The following TNFRSF21 variants were observed in gnomAD, a reference collection of about 807,000 sequenced individuals.
The protein encoded by TNFRSF21 is TNF receptor superfamily member 21, also known as tumor necrosis factor receptor superfamily member 21.
In TNFRSF21, 19 loss-of-function variants were observed where a neutral mutation model predicts 45.6. The observed-to-expected ratio is 0.42, with a 90% CI of 0.29 to 0.61. The LOEUF (loss-of-function observed/expected upper bound fraction) is 0.61, where lower values mean the gene tolerates loss of function less well. Among genes scored for constraint, TNFRSF21 ranks in the 20% least tolerant of loss-of-function variants. TNFRSF21 has a pLI of 0.23. For synonymous variants in TNFRSF21, 314 were observed against 335.5 expected, an observed-to-expected ratio of 0.94 and a Z score of 0.70; for missense variants, 737 against 851.5, an observed-to-expected ratio of 0.87 and a Z score of 1.67.
At chr6:47,295,986 C>T (rs1481642807) in intron 1 of TNFRSF21, among the ~76,000 whole-genome samples, 2 of 152,178 alleles carry the variant, frequency 1.3e-5, no homozygotes, top group African/African-American at 4.8e-5. Context: ...TCCCTGGAAC[C>T]TGCAATGCAG....
rs750027937 is a variant in TNFRSF21, at chr6:47,284,269, G to C, written c.912C>G (p.Pro304=). The C allele has an allele frequency of 6.2e-7, 1 of 1,612,422 alleles. No individual in the cohort carries two copies. The highest frequency in any genetic ancestry group is 1.3e-5 in the African/African-American group (1 of 74,870). The change falls in exon 3 of 6, where the codon CCC becomes CCG. Residue 304 remains proline, a synonymous_variant. Coordinates refer to ENST00000296861, the MANE Select transcript of TNFRSF21 (RefSeq NM_014452.5). ...GCAGCTTCAGGATGTGTCTGTGGTG[G>C]GGGCCTTGCTGGTGGTTGACTACCT... ...NLQVVNHQQG[P]HHRHILKLLP...
intron 1 of TNFRSF21, among the ~76,000 whole-genome samples, chr6:47,290,341 C>T (rs1161388716): frequency 9.9e-5 from 15 of 152,178 alleles, no homozygotes; most frequent in Admixed American, 9.8e-4. Flanking sequence ...CACACACACA[C>T]TCACAAGGGT....
intron 4 of TNFRSF21, among the ~76,000 whole-genome samples, chr6:47,250,393 A>G (rs149104363): frequency 2.2e-3 from 336 of 152,354 alleles, no homozygotes; most frequent in African/African-American, 4.4e-3. Flanking sequence ...ATTGAACTTG[A>G]AAGAAGAGAG....
At chr6:47,283,840 AT>A in intron 3 of TNFRSF21, 97 bp downstream of exon 3, 1 of 1,482,752 alleles carries the variant, frequency 6.7e-7, no homozygotes, top group Non-Finnish European at 9.1e-7. Flanking sequence ...TACAAAGGAG[AT>A]TCCACAAACT....
chr6:47,286,617 G>A (rs762137133), intron 1 of TNFRSF21, 22 bp from the exon 2 acceptor site: 2 of 1,574,272 alleles, frequency 1.3e-6, no homozygotes, highest in African/African-American at 1.4e-5. Context: ...AGAAGGGGAG[G>A]GAAAGGAACA....
chr6:47,275,603 T>C (rs1762486220), intron 3 of TNFRSF21, among the ~76,000 whole-genome samples: 1 of 152,110 alleles, frequency 6.6e-6, no homozygotes, highest in African/African-American at 2.4e-5. Context: ...TGTATACCTA[T>C]GTATCAAATC....
At chr6:47,273,985 A>G (rs1216743121) in intron 3 of TNFRSF21, among the ~76,000 whole-genome samples, 1 of 152,230 alleles carries the variant, frequency 6.6e-6, no homozygotes, top group Non-Finnish European at 1.5e-5. Context: ...ACGAAATAAG[A>G]GGACACAAAT....
At chr6:47,302,848 A>G (rs974415390) in intron 1 of TNFRSF21, among the ~76,000 whole-genome samples, 2 of 152,192 alleles carry the variant, frequency 1.3e-5, no homozygotes, top group Non-Finnish European at 1.5e-5. Flanking sequence ...CCCTCTCTCC[A>G]GCAGTTGCCA....
Position 47,251,371 on chromosome 6 carries a change from T to C in TNFRSF21, c.1509+1885A>G, listed in dbSNP as rs375811392. On this transcript the variant is annotated intron_variant, in intron 4 of 5. Coordinates refer to ENST00000296861, the MANE Select transcript of TNFRSF21 (RefSeq NM_014452.5). ...TTCTCAAAAAATAAACAACAAAAAATAGCTACTATTAGAATCTTTTGGTAT... is the reference window on the plus strand; with the variant it reads ...TTCTCAAAAAATAAACAACAAAAAACAGCTACTATTAGAATCTTTTGGTAT... Among the ~76,000 whole-genome samples, 79 of 152,094 alleles carry C rather than the reference T, an allele frequency of 5.2e-4. 1 individual carries two copies. The South Asian group carries it at 0.016, about 32-fold the overall frequency.
At chr6:47,305,289 G>C (rs1381255016) in intron 1 of TNFRSF21, among the ~76,000 whole-genome samples, 1 of 152,142 alleles carries the variant, frequency 6.6e-6, no homozygotes, top group Non-Finnish European at 1.5e-5. Context: ...CACTTAGAAA[G>C]GGTGCTCGAT....
intron 1 of TNFRSF21, among the ~76,000 whole-genome samples, chr6:47,298,522 C>T (rs78448947): frequency 0.028 from 4,298 of 152,144 alleles, 206 homozygotes; most frequent in African/African-American, 0.099. Flanking sequence ...GTATTGCTCA[C>T]AAGCTAAGAA....
intron 3 of TNFRSF21, among the ~76,000 whole-genome samples, chr6:47,273,585 C>T (rs1330428788): frequency 1.3e-5 from 2 of 152,152 alleles, no homozygotes; most frequent in African/African-American, 4.8e-5. Context: ...GGAAACTTTC[C>T]CTTTGAAAAA....
intron 4 of TNFRSF21, among the ~76,000 whole-genome samples, chr6:47,241,034 T>A (rs1320652822): frequency 6.6e-6 from 1 of 152,182 alleles, no homozygotes; most frequent in African/African-American, 2.4e-5. Context: ...TCAAATTAGA[T>A]TTCAAGACCT....
At chr6:47,262,873 C>A (rs569432234) in intron 3 of TNFRSF21, among the ~76,000 whole-genome samples, 2 of 152,224 alleles carry the variant, frequency 1.3e-5, no homozygotes, top group Non-Finnish European at 2.9e-5. Flanking sequence ...TAAGCTGCTA[C>A]TATGCATTCA....
intron 3 of TNFRSF21, among the ~76,000 whole-genome samples, chr6:47,256,785 A>C (rs1442817231): frequency 6.6e-6 from 1 of 152,198 alleles, no homozygotes; most frequent in Non-Finnish European, 1.5e-5. Flanking sequence ...ACTCTTCCAA[A>C]CACCAAAAGT....
chr6:47,296,820 T>C (rs1762796467), intron 1 of TNFRSF21, among the ~76,000 whole-genome samples: 1 of 152,198 alleles, frequency 6.6e-6, no homozygotes, highest in Admixed American at 6.5e-5. Flanking sequence ...TATCCTTTAT[T>C]ATATCTTTTA....
At chr6:47,245,457 TTTG>T (rs1764811111) in intron 4 of TNFRSF21, among the ~76,000 whole-genome samples, 1 of 124,372 alleles carries the variant, frequency 8.0e-6, no homozygotes, top group African/African-American at 4.0e-5. Flanking sequence ...TGTGTGTGTG[TTTG>T]TGTGTGTGTG....
In TNFRSF21 at chr6:47,284,154, G is replaced by A; in HGVS notation, c.1027C>T (p.His343Tyr). 1 of 1,614,212 alleles carries A rather than the reference G, an allele frequency of 6.2e-7. No homozygotes were observed. The highest frequency in any genetic ancestry group is 8.5e-7 in the Non-Finnish European group (1 of 1,180,024). ...RGHPRQNLHKHFDINEHLPWM... is the reference protein window; with the variant it reads ...RGHPRQNLHKYFDINEHLPWM... Reference sequence around the variant, plus strand: ...GGCAAATGCTCATTGATGTCAAAATGCTTGTGTAGGTTCTGTCTAGGATGT... The same window carrying A: ...GGCAAATGCTCATTGATGTCAAAATACTTGTGTAGGTTCTGTCTAGGATGT... The change falls in exon 3 of 6, where the codon CAT becomes TAT. Residue 343 changes from histidine to tyrosine, a missense_variant. Physicochemically the swap from His to Tyr is moderately conservative, Grantham distance 83 (BLOSUM62 2). Coordinates refer to ENST00000296861, the MANE Select transcript of TNFRSF21 (RefSeq NM_014452.5).
chr6:47,234,022 G>A (rs1454506396), intron 5 of TNFRSF21, among the ~76,000 whole-genome samples: 1 of 152,022 alleles, frequency 6.6e-6, no homozygotes, highest in Non-Finnish European at 1.5e-5. Flanking sequence ...ACAAAGTTTT[G>A]CTCTTGTCAC....
Sources: allele counts gnomAD v4.1 joint callset (sites outside exome capture counted in the v4.1 genomes callset), GRCh38; gene constraint gnomAD v4.1.1; transcripts MANE v1.5; gene names NCBI Gene and HGNC (gene_info 2026-07-23, HGNC 2026-07-21).